The following KMT2A variants were observed in gnomAD, a reference collection of about 807,000 sequenced individuals.
KMT2A encodes the protein histone-lysine N-methyltransferase 2A.
A neutral mutation model predicts 345.3 loss-of-function variants in KMT2A; 16 were observed. The observed-to-expected ratio is 0.05, with a 90% CI of 0.03 to 0.07. The LOEUF is 0.07. Ranked by LOEUF, KMT2A falls within the 10% of genes least tolerant of loss-of-function variation. The probability of loss-of-function intolerance (pLI) is 1.00; values close to 1 mark genes in which losing one functional copy is unlikely to be tolerated. For synonymous variants in KMT2A, 1,599 were observed against 1,778.6 expected, an observed-to-expected ratio of 0.90 and a Z score of 2.54; for missense variants, 3,272 against 4,841.6, an observed-to-expected ratio of 0.68 and a Z score of 9.62.
intron 12 of KMT2A, 48 bp downstream of exon 12, chr11:118,489,935 A>C (rs782611606): frequency 6.5e-7 from 1 of 1,532,528 alleles, no homozygotes; most frequent in Admixed American, 1.7e-5. Context: ...CCATGTGACT[A>C]TTGGACTTAT....
intron 31 of KMT2A, among the ~76,000 whole-genome samples, chr11:118,518,687 G>A (rs1200294590): frequency 2.6e-5 from 4 of 151,628 alleles, no homozygotes; most frequent in Admixed American, 6.6e-5. Flanking sequence ...GGAGGCTGAG[G>A]CAGGAGAATT....
intron 29 of KMT2A, 99 bp from the exon 30 acceptor site, chr11:118,509,849 T>A (rs1555049601): frequency 8.3e-6 from 7 of 841,930 alleles, no homozygotes; most frequent in Non-Finnish European, 1.2e-5. Context: ...CTGTGGAATG[T>A]TGTTAGGCTT....
chr11:118,504,083 A>G lies in KMT2A; in HGVS notation c.8191A>G (p.Thr2731Ala), dbSNP rs1950543717. The G allele has an allele frequency of 6.2e-7, 1 of 1,614,218 alleles. No individual in the cohort carries two copies. The highest frequency in any genetic ancestry group is 2.2e-5 in the East Asian group (1 of 44,884). The change falls in exon 27 of 36, where the codon ACT (threonine) becomes GCT (alanine). Residue 2731 changes from threonine (T) to alanine (A), a missense_variant. By Grantham distance (58) the Thr-to-Ala change is moderately conservative. This residue lies in a region of KMT2A where 9 missense variants were observed against 27.7 expected (regional missense o/e 0.32). Transcript: ENST00000534358. This position sits in a 1 kb window ranked among gnomAD's most constrained non-coding sequence, Gnocchi z 6.4. The stretch of plus-strand genomic sequence containing the variant: ...TGTTGATGATGGGACAGAGAGTGAT[A>G]CTAGTGTCACAGCCACAACAAGGAA... Reference protein sequence around the residue: ...DGVDDGTESDTSVTATTRKSS... With the variant: ...DGVDDGTESDASVTATTRKSS...
chr11:118,473,415 T>G lies in KMT2A; in HGVS notation c.2256T>G (p.Ser752=). ...SPIRSEPRSP[S]HSMRTRSGRL... is the part of the protein sequence containing the mutation. ...TTCGATCTGAACCAAGATCTCCTTCTCACTCCATGAGGACAAGAAGTGGAA... is the reference window on the plus strand; with the variant it reads ...TTCGATCTGAACCAAGATCTCCTTCGCACTCCATGAGGACAAGAAGTGGAA... Residue 752 remains serine (S), a synonymous_variant, in exon 3 of 36, where the codon TCT becomes TCG. Transcript: ENST00000534358. This position sits in a 1 kb window ranked among gnomAD's most constrained non-coding sequence, Gnocchi z 5.2. 1 of 1,614,198 alleles carries G rather than the reference T, an allele frequency of 6.2e-7. No individual in the cohort carries two copies. The highest frequency in any genetic ancestry group is 8.5e-7 in the Non-Finnish European group (1 of 1,180,016).
chr11:118,501,949 A>G (rs1950507784), intron 26 of KMT2A, 92 bp downstream of exon 26: 2 of 1,124,704 alleles, frequency 1.8e-6, no homozygotes, highest in Admixed American at 4.6e-5. Context: ...GGTGACTTTT[A>G]CTGATTGAAA....
chr11:118,462,619 T>C (rs1949766379), intron 1 of KMT2A, among the ~76,000 whole-genome samples: 2 of 152,158 alleles, frequency 1.3e-5, no homozygotes, highest in Admixed American at 6.5e-5. Flanking sequence ...AGTGCAGTGG[T>C]GCGATCTCGG....
chr11:118,509,434 C>T (rs1470523065), intron 29 of KMT2A, among the ~76,000 whole-genome samples: 2 of 152,128 alleles, frequency 1.3e-5, no homozygotes, highest in Non-Finnish European at 2.9e-5. Context: ...AGACCATACC[C>T]ATACTCTTCT....
rs1555035596 is a variant in KMT2A at position 118,471,853 on chromosome 11, A to G, written c.694A>G (p.Lys232Glu). 8.1e-6 allele frequency: 13 copies of G among 1,612,272 alleles called. No individual in the cohort carries two copies. The highest frequency in any genetic ancestry group is 5.0e-5 in the Admixed American group (3 of 59,452). Residue 232 changes from lysine (K) to glutamate (E), a missense_variant, in exon 3 of 36, where the codon AAA becomes GAA. By Grantham distance (56) the Lys-to-Glu change is moderately conservative. Coordinates refer to ENST00000534358, the MANE Select transcript of KMT2A (RefSeq NM_001197104.2). ...AAGACCTCCCACCTTCCCTGGAGTA[A>G]AAATCAAAATAACACATGGAAAGGA... The part of the protein sequence containing the change: ...RGRPPTFPGV[K>E]IKITHGKDIS...
chr11:118,521,513 C>A lies in KMT2A; in HGVS notation c.11643+96C>A. On this transcript the variant is annotated intron_variant, in intron 35 of 35. Transcript: ENST00000534358. This position sits in a 1 kb window ranked among gnomAD's most constrained non-coding sequence, Gnocchi z 5.3. Reference sequence around the variant, plus strand: ...TCACAAAAGAAATAGTGTATGTTATCAATTCAGAGACCTTTCTTAAAAAAA... The same window carrying A: ...TCACAAAAGAAATAGTGTATGTTATAAATTCAGAGACCTTTCTTAAAAAAA... 2 of 1,395,528 alleles carry A rather than the reference C, an allele frequency of 1.4e-6. No individual in the cohort carries two copies. The highest frequency in any genetic ancestry group is 2.0e-6 in the Non-Finnish European group (2 of 1,020,172). The allele number at this position is 1,395,528 out of a possible 1,614,324, so 86.4% of individuals were successfully genotyped here.
rs542969287 is a variant in KMT2A at position 118,452,142 on chromosome 11, A to G, written c.432+15198A>G. On this transcript the variant is annotated intron_variant, in intron 1 of 35. Coordinates refer to ENST00000534358, the MANE Select transcript of KMT2A (RefSeq NM_001197104.2). ...TTACAGACTTGAAATCCTGAGCTTA[A>G]GCGATTCTACTCCCTCAGCCTCCAA... is the stretch of plus-strand genomic sequence containing the variant. 1.0e-3 allele frequency among the ~76,000 whole-genome samples: 154 copies of G among 152,230 alleles called. 1 individual carries two copies. The highest frequency in any genetic ancestry group is 3.6e-3 in the African/African-American group (149 of 41,550).
intron 2 of KMT2A, among the ~76,000 whole-genome samples, chr11:118,470,103 G>A (rs1169567262): frequency 2.0e-5 from 3 of 152,184 alleles, no homozygotes; most frequent in African/African-American, 7.2e-5. Flanking sequence ...GATATGTTGT[G>A]GATCAGGGAA....
At position 118,502,525 on chromosome 11, in the gene KMT2A, G is replaced by GATA. The variant is rs1950516324; in HGVS notation, c.6636_6638dup (p.Ile2212dup). 6.2e-7 allele frequency: 1 copy of GATA among 1,613,936 alleles called. No homozygotes were observed. The highest frequency in any genetic ancestry group is 8.5e-7 in the Non-Finnish European group (1 of 1,180,030). The stretch of plus-strand genomic sequence containing the variant: ...TATCACCCCAGCGGTCCAAACTCCG[G>GATA]ATAATGTCTCCAATGAGAACTGGGA... On this transcript the variant is annotated inframe_insertion, in exon 27 of 36. Transcript: ENST00000534358. This position sits in a 1 kb window ranked among gnomAD's most constrained non-coding sequence, Gnocchi z 4.9.
intron 6 of KMT2A, among the ~76,000 whole-genome samples, chr11:118,481,055 G>T (rs1262325412): frequency 3.9e-5 from 6 of 152,138 alleles, no homozygotes; most frequent in African/African-American, 1.4e-4. Flanking sequence ...TACATGGGAT[G>T]TCCATTACCT....
chr11:118,480,060 A>T, intron 5 of KMT2A, 114 bp from the exon 6 acceptor site: 1 of 797,846 alleles, frequency 1.3e-6, no homozygotes, highest in South Asian at 1.7e-5. Context: ...TTTCAACTAT[A>T]AAAATGTGAA....
Position 118,526,611 on chromosome 11 carries a change from T to C in KMT2A, c.*4439T>C. 4.3e-6 allele frequency: 1 copy of C among 231,154 alleles called. No homozygotes were observed. 14.3% of individuals were successfully genotyped at this position (231,154 alleles called of 1,614,324 possible). A position where few individuals can be genotyped will look rare whatever the true frequency, so the allele number is the denominator to read the frequency against. Reference sequence around the variant, plus strand: ...GAAAAAAAAAAAAGGAAAATGTGTCTAAAGTCCATCAGTGTTAACTCCCTG... The same window carrying C: ...GAAAAAAAAAAAAGGAAAATGTGTCCAAAGTCCATCAGTGTTAACTCCCTG... On this transcript the variant is annotated 3_prime_UTR_variant, in exon 36 of 36. Transcript: ENST00000534358.
chr11:118,501,880 T>C (rs1555045845), intron 26 of KMT2A, 23 bp downstream of exon 26: 4 of 1,586,172 alleles, frequency 2.5e-6, no homozygotes, highest in Non-Finnish European at 3.4e-6. Flanking sequence ...ATTGACCTAC[T>C]TGACCTAAGA....
intron 1 of KMT2A, among the ~76,000 whole-genome samples, chr11:118,452,785 C>G (rs1949566309): frequency 6.6e-6 from 1 of 152,134 alleles, no homozygotes; most frequent in Admixed American, 6.5e-5. Flanking sequence ...AGGCGCCCAC[C>G]ACCACGCCCT....
chr11:118,488,906 A>T, intron 11 of KMT2A, 146 bp downstream of exon 11: 1 of 649,426 alleles, frequency 1.5e-6, no homozygotes, highest in Non-Finnish European at 2.7e-6. Flanking sequence ...TTTTCTTGTC[A>T]TTATTTCCTA....
chr11:118,474,795 T>C (rs1387601035), intron 3 of KMT2A, among the ~76,000 whole-genome samples: 2 of 152,060 alleles, frequency 1.3e-5, no homozygotes, highest in African/African-American at 4.8e-5. Flanking sequence ...TAGTGAGGGA[T>C]TGGAGCAATA....
Sources: gnomAD v4.1 joint callset for allele counts (sites outside exome capture counted in the v4.1 genomes callset) on GRCh38, gnomAD v4.1.1 for gene constraint, gnomAD v4.1.1 regional missense constraint, Gnocchi (gnomAD v3.1) non-coding constraint, MANE v1.5 for transcripts, NCBI Gene and HGNC (gene_info 2026-07-23, HGNC 2026-07-21) for gene names.